WNK1: variants seen among roughly 807,000 people sequenced by gnomAD.
WNK1 encodes the protein serine/threonine-protein kinase WNK1.
Under a neutral mutation model 222.8 loss-of-function variants are expected in WNK1, and 38 were observed. The ratio of observed to expected loss-of-function variants is 0.17; its 90% CI spans 0.13 to 0.22. WNK1 has a LOEUF of 0.22. WNK1 is among the 10% of genes least tolerant of loss of function. The pLI, the probability that WNK1 is intolerant of heterozygous loss-of-function variation, is 1.00. For synonymous variants in WNK1, 1,090 were observed against 1,092.9 expected (o/e 1.00, Z 0.05); for missense variants, 2,348 against 2,918.4 (o/e 0.80, Z 4.50).
At chr12:897,272 T>C (rs772134072) in intron 24 of WNK1, among the ~76,000 whole-genome samples, 6 of 152,138 alleles carry the variant, frequency 3.9e-5, no homozygotes, top group Non-Finnish European at 8.8e-5. Flanking sequence ...CCATTTGTTG[T>C]TGGCTAGGAG....
chr12:762,182 C>T (rs757823312), intron 1 of WNK1, among the ~76,000 whole-genome samples: 1 of 145,664 alleles, frequency 6.9e-6, no homozygotes, highest in South Asian at 2.3e-4. Context: ...GCCTCAGCCT[C>T]CCGAGTAGCT....
At chr12:861,467 A>G in intron 7 of WNK1, 124 bp downstream of exon 7, 1 of 871,562 alleles carries the variant, frequency 1.1e-6, no homozygotes, top group African/African-American at 1.7e-5. Flanking sequence ...ACAAAATTTG[A>G]AATGGTTGTC....
At chr12:811,195 T>C (rs1946870949) in intron 1 of WNK1, among the ~76,000 whole-genome samples, 1 of 152,204 alleles carries the variant, frequency 6.6e-6, no homozygotes, top group African/African-American at 2.4e-5. Flanking sequence ...TACGGTCTTT[T>C]AAAATTTTAT....
At chr12:755,769 G>A (rs1939922420) in intron 1 of WNK1, among the ~76,000 whole-genome samples, 1 of 152,236 alleles carries the variant, frequency 6.6e-6, no homozygotes. Flanking sequence ...GGGGTTAGGA[G>A]TTCGAGACCA....
At chr12:771,219 C>A (rs1305657506) in intron 1 of WNK1, among the ~76,000 whole-genome samples, 5 of 151,596 alleles carry the variant, frequency 3.3e-5, no homozygotes, top group Admixed American at 3.3e-4. Flanking sequence ...GGATGGTCTC[C>A]ATCTCCTGAC....
chr12:797,523 C>T (rs1945426960), intron 1 of WNK1, among the ~76,000 whole-genome samples: 1 of 152,070 alleles, frequency 6.6e-6, no homozygotes. Flanking sequence ...AAATTATCGG[C>T]GTTCAGTTGG....
chr12:796,153 C>T (rs529460816), intron 1 of WNK1, among the ~76,000 whole-genome samples: 10 of 152,236 alleles, frequency 6.6e-5, no homozygotes, highest in South Asian at 4.1e-4. Flanking sequence ...GGATTACAGA[C>T]GTGAGCCACC....
chr12:857,065 G>T (rs1950847215), intron 4 of WNK1, 96 bp from the exon 5 acceptor site: 2 of 1,311,886 alleles, frequency 1.5e-6, no homozygotes, highest in East Asian at 2.5e-5. Flanking sequence ...AGCCGGGATA[G>T]TAAGAAAGGA....
chr12:806,556 T>A (rs975881968), intron 1 of WNK1, among the ~76,000 whole-genome samples: 28 of 152,212 alleles, frequency 1.8e-4, no homozygotes, highest in Admixed American at 1.8e-3. Context: ...TGGGGGAATA[T>A]CTTTATCTAA....
At chr12:804,927 A>C (rs1946229941) in intron 1 of WNK1, among the ~76,000 whole-genome samples, 2 of 68,290 alleles carry the variant, frequency 2.9e-5, no homozygotes, top group South Asian at 4.8e-4. Flanking sequence ...TATAATTAAT[A>C]TTTTATAAAT....
chr12:904,600 A>G (rs1955545318), intron 26 of WNK1: 3 of 693,734 alleles, frequency 4.3e-6, no homozygotes, highest in Non-Finnish European at 6.7e-6. Context: ...ACTTCCATCT[A>G]TCTCTGTATC....
chr12:816,281 T>G (rs980955548), intron 2 of WNK1, among the ~76,000 whole-genome samples: 8 of 152,150 alleles, frequency 5.3e-5, no homozygotes, highest in African/African-American at 1.7e-4. Flanking sequence ...TTCTTTTTCT[T>G]TTTTTGGAGA....
At position 879,816 on chromosome 12, in the gene WNK1, C is replaced by T. The variant is rs776249622; in HGVS notation, c.2617C>T (p.Leu873=). 3 of 1,614,046 alleles carry T rather than the reference C, an allele frequency of 1.9e-6. No individual in the cohort carries two copies. In the African/African-American group the frequency reaches 4.0e-5, roughly 22 times the overall value. Residue 873 remains leucine (L), a synonymous_variant, in exon 11 of 28, where the codon CTG becomes TTG. Coordinates refer to ENST00000315939, the MANE Select transcript of WNK1 (RefSeq NM_018979.4). ...ITMAAGITQP[L]LTLASSATTA... ...AATGGCAGCTGGCATTACTCAGCCTCTGCTCACGTTGGCTTCATCTGCTAC... is the reference window on the plus strand; with the variant it reads ...AATGGCAGCTGGCATTACTCAGCCTTTGCTCACGTTGGCTTCATCTGCTAC...
intron 1 of WNK1, among the ~76,000 whole-genome samples, chr12:811,708 A>G (rs555829847): frequency 6.7e-6 from 1 of 148,650 alleles, no homozygotes; most frequent in Non-Finnish European, 1.5e-5. Context: ...TTCCTAGATT[A>G]AAAAAAAAAC....
chr12:858,674 T>G (rs917381968), intron 5 of WNK1, among the ~76,000 whole-genome samples: 7 of 152,124 alleles, frequency 4.6e-5, no homozygotes, highest in African/African-American at 1.7e-4. Context: ...GAAACAAAAA[T>G]ATTTATTTTC....
intron 4 of WNK1, among the ~76,000 whole-genome samples, chr12:836,042 T>G (rs1178877473): frequency 6.6e-6 from 1 of 152,234 alleles, no homozygotes; most frequent in Non-Finnish European, 1.5e-5. Context: ...GAACTAGGTT[T>G]ATTGTTACAG....
At chr12:856,634 T>C (rs1950819451) in intron 4 of WNK1, among the ~76,000 whole-genome samples, 1 of 152,214 alleles carries the variant, frequency 6.6e-6, no homozygotes, top group Non-Finnish European at 1.5e-5. Flanking sequence ...GTTTTATTTG[T>C]GCAGGACAAT....
At chr12:822,024 A>G (rs538965484) in intron 2 of WNK1, among the ~76,000 whole-genome samples, 4 of 147,158 alleles carry the variant, frequency 2.7e-5, no homozygotes, top group South Asian at 2.2e-4. Flanking sequence ...GAGTTTATTT[A>G]CATTTAATTA....
intron 1 of WNK1, among the ~76,000 whole-genome samples, chr12:797,328 T>C (rs1421988924): frequency 1.3e-5 from 2 of 152,214 alleles, no homozygotes; most frequent in African/African-American, 4.8e-5. Flanking sequence ...AGCTAGAGTT[T>C]AGTAACATTT....
Sources: gnomAD v4.1 joint callset for allele counts (sites outside exome capture counted in the v4.1 genomes callset) on GRCh38, gnomAD v4.1.1 for gene constraint, MANE v1.5 for transcripts, NCBI Gene and HGNC (gene_info 2026-07-23, HGNC 2026-07-21) for gene names.